XPR1: variants seen among roughly 807,000 people sequenced by gnomAD.
The protein encoded by XPR1 is solute carrier family 53 member 1.
XPR1 carries 28 observed loss-of-function variants against 87.5 expected under a neutral mutation model. That is an observed-to-expected ratio of 0.32 (90% confidence interval 0.24 to 0.44). The LOEUF is 0.44. Among genes scored for constraint, XPR1 ranks in the 20% least tolerant of loss-of-function variants. The pLI, the probability that XPR1 is intolerant of heterozygous loss-of-function variation, is 1.00. For synonymous variants in XPR1, 300 were observed against 306.1 expected, an observed-to-expected ratio of 0.98 and a Z score of 0.21; for missense variants, 559 against 862.3, an observed-to-expected ratio of 0.65 and a Z score of 4.41.
At chr1:180,682,818 ATGTGTG>A (rs368072502) in intron 2 of XPR1, among the ~76,000 whole-genome samples, 2 of 150,328 alleles carry the variant, frequency 1.3e-5, no homozygotes, top group African/African-American at 4.9e-5. Context: ...TTTACAATGG[ATGTGTG>A]TGTGTGTGCG....
intron 2 of XPR1, among the ~76,000 whole-genome samples, chr1:180,738,428 A>G (rs1431458043): frequency 3.3e-5 from 5 of 152,220 alleles, no homozygotes; most frequent in Non-Finnish European, 7.3e-5. Context: ...TACTGTTAGT[A>G]TGTTTTATTT....
chr1:180,731,781 C>A (rs527912819), intron 2 of XPR1, among the ~76,000 whole-genome samples: 1 of 152,294 alleles, frequency 6.6e-6, no homozygotes, highest in Admixed American at 6.5e-5. Context: ...GTTTTTAATT[C>A]TTAAAGCACA....
chr1:180,777,226 C>A (rs1339988258), intron 2 of XPR1, among the ~76,000 whole-genome samples: 1 of 152,154 alleles, frequency 6.6e-6, no homozygotes, highest in Admixed American at 6.5e-5. Flanking sequence ...AGTGCCCTCA[C>A]CCTAGTTGAG....
intron 2 of XPR1, among the ~76,000 whole-genome samples, chr1:180,747,642 C>T (rs1243718302): frequency 6.6e-6 from 1 of 152,136 alleles, no homozygotes; most frequent in East Asian, 1.9e-4. Context: ...TTAAATATTA[C>T]ATGATACAGA....
chr1:180,807,500 AG>A, intron 6 of XPR1, among the ~76,000 whole-genome samples: 1 of 152,358 alleles, frequency 6.6e-6, no homozygotes, highest in South Asian at 2.1e-4. Context: ...TTCTGACAAA[AG>A]ATGTGTAAGG....
At position 180,806,424 on chromosome 1, in the gene XPR1, C is replaced by A. The variant is rs760832242; in HGVS notation, c.598-50C>A. 9 of 1,580,582 alleles carry A rather than the reference C, an allele frequency of 5.7e-6. No individual in the cohort carries two copies. In the African/African-American group the frequency reaches 1.2e-4, roughly 21 times the overall value. ...AAATGGTACAGAATTATTTGTGCAT[C>A]ACTCAAGTTTAGTATAACCTAACCA... On this transcript the variant is annotated intron_variant, in intron 5 of 14. Coordinates refer to ENST00000367590, the MANE Select transcript of XPR1 (RefSeq NM_004736.4).
At chr1:180,659,189 TCAGTCTTCCTTC>T (rs1655651876) in intron 1 of XPR1, among the ~76,000 whole-genome samples, 1 of 116,598 alleles carries the variant, frequency 8.6e-6, no homozygotes, top group Non-Finnish European at 1.7e-5. Flanking sequence ...TGGCCTGTAG[TCAGTCTTCCTTC>T]CTTCCTTCCT....
intron 2 of XPR1, among the ~76,000 whole-genome samples, chr1:180,685,620 C>G (rs1656739498): frequency 1.3e-5 from 2 of 151,988 alleles, no homozygotes; most frequent in Admixed American, 6.6e-5. Context: ...TGGTCCTGGA[C>G]TTTTTTTGGT....
intron 2 of XPR1, among the ~76,000 whole-genome samples, chr1:180,699,705 T>A (rs1657294140): frequency 8.2e-6 from 1 of 122,332 alleles, no homozygotes; most frequent in East Asian, 2.3e-4. Context: ...AGCAGCATGA[T>A]TTATAGTCCT....
intron 1 of XPR1, 152 bp from the exon 2 acceptor site, chr1:180,682,208 G>C: frequency 6.6e-6 from 3 of 457,714 alleles, no homozygotes; most frequent in South Asian, 1.1e-4. Flanking sequence ...ATAATGTTTG[G>C]ATTTTAGTTT....
intron 2 of XPR1, among the ~76,000 whole-genome samples, chr1:180,757,506 C>CTTTTT (rs35380232): frequency 2.2e-5 from 3 of 134,492 alleles, no homozygotes; most frequent in Non-Finnish European, 4.8e-5. Context: ...GTTACTAGGC[C>CTTTTT]TTTTTTTTTT....
chr1:180,783,700 TATC>T (rs2102083667), intron 2 of XPR1, among the ~76,000 whole-genome samples: 1 of 152,186 alleles, frequency 6.6e-6, no homozygotes, highest in African/African-American at 2.4e-5. Context: ...TGTTACATAA[TATC>T]ATAATGTACT....
chr1:180,639,827 AT>A lies in XPR1; in HGVS notation c.69+7558del, dbSNP rs552297696. Among the ~76,000 whole-genome samples, 30 of 152,316 alleles carry A rather than the reference AT, an allele frequency of 2.0e-4. 2 individuals are homozygous for A. The South Asian group carries it at 6.0e-3, about 31-fold the overall frequency. On this transcript the variant is annotated intron_variant, in intron 1 of 14. Transcript: ENST00000367590. ...GCCTGAAAAAAGGTTCTCTAGTCTT[AT>A]CAAACATGGAAGAGGATAAAGGAGT...
At chr1:180,882,949 T>G (rs1037299487) in intron 14 of XPR1, among the ~76,000 whole-genome samples, 14 of 151,838 alleles carry the variant, frequency 9.2e-5, no homozygotes, top group African/African-American at 3.4e-4. Context: ...ATTTCTTATA[T>G]TTGTTTTTTG....
At chr1:180,685,823 C>T (rs564099768) in intron 2 of XPR1, among the ~76,000 whole-genome samples, 6 of 152,146 alleles carry the variant, frequency 3.9e-5, no homozygotes, top group Admixed American at 1.3e-4. Flanking sequence ...TCTGTGGGAT[C>T]GGTGGTGATA....
chr1:180,822,668 T>C (rs1207882651), intron 7 of XPR1, among the ~76,000 whole-genome samples: 1 of 152,212 alleles, frequency 6.6e-6, no homozygotes. Context: ...TGAATACTCA[T>C]AATGAGCCAA....
intron 11 of XPR1, among the ~76,000 whole-genome samples, chr1:180,853,791 G>GTTTTTTTTTTTTTTTTTTTTTTTT (rs374408714): frequency 9.1e-6 from 1 of 109,444 alleles, no homozygotes; most frequent in African/African-American, 3.5e-5. Flanking sequence ...CATTCATGTG[G>GTTTTTTTTTTTTTTTTTTTTTTTT]TTTTTTTTTT....
intron 2 of XPR1, among the ~76,000 whole-genome samples, chr1:180,709,888 GTT>G (rs34386449): frequency 0.084 from 11,941 of 142,362 alleles, 1,124 homozygotes; most frequent in African/African-American, 0.23. Flanking sequence ...AGTTTTGAGG[GTT>G]TTTTTTTTTT....
chr1:180,697,879 TAG>T lies in XPR1; in HGVS notation c.121+15472_121+15473del, dbSNP rs565690646. The stretch of plus-strand genomic sequence containing the variant: ...TTGTGGCCTAACATATGGTCTGTCC[TAG>T]AGAATGTTCCATATGCTGATGAGAA... On this transcript the variant is annotated intron_variant, in intron 2 of 14. Transcript: ENST00000367590. Among the ~76,000 whole-genome samples the T allele has an allele frequency of 5.0e-4, 76 of 152,250 alleles. 1 individual carries two copies. In the East Asian group the frequency reaches 0.014, roughly 28 times the overall value.
Sources: gnomAD v4.1 joint callset for allele counts (sites outside exome capture counted in the v4.1 genomes callset) on GRCh38, gnomAD v4.1.1 for gene constraint, MANE v1.5 for transcripts, NCBI Gene and HGNC (gene_info 2026-07-23, HGNC 2026-07-21) for gene names.